IL1RAP: variants seen among roughly 807,000 people sequenced by gnomAD.
The protein encoded by IL1RAP is interleukin-1 receptor accessory protein.
IL1RAP carries 35 observed loss-of-function variants against 60.7 expected under a neutral mutation model. That is an observed-to-expected ratio of 0.58 (90% CI 0.44 to 0.76). The LOEUF is 0.76. Among genes scored for constraint, IL1RAP ranks in the 30% least tolerant of loss-of-function variants. The probability of loss-of-function intolerance (pLI) is 0.00; values close to 1 mark genes in which losing one functional copy is unlikely to be tolerated. For missense variants in IL1RAP, 572 were observed against 693.9 expected, an observed-to-expected ratio of 0.82 and a Z score of 1.97; for synonymous variants, 268 against 250.9, an observed-to-expected ratio of 1.07 and a Z score of -0.64.
At chr3:190,592,758 T>C (rs556565597) in intron 3 of IL1RAP, among the ~76,000 whole-genome samples, 1 of 152,364 alleles carries the variant, frequency 6.6e-6, no homozygotes, top group East Asian at 1.9e-4. Flanking sequence ...ACTCTAAGTA[T>C]TGCCTATTAT....
At chr3:190,560,865 T>A (rs1009175862) in intron 2 of IL1RAP, among the ~76,000 whole-genome samples, 1 of 152,158 alleles carries the variant, frequency 6.6e-6, no homozygotes, top group Non-Finnish European at 1.5e-5. Flanking sequence ...TACAGAGAAC[T>A]AAGTACATTT....
At chr3:190,606,423 T>G (rs951560645) in intron 4 of IL1RAP, among the ~76,000 whole-genome samples, 4 of 152,258 alleles carry the variant, frequency 2.6e-5, no homozygotes, top group African/African-American at 7.2e-5. Flanking sequence ...GCTCCTTTTT[T>G]TCTTTGATAA....
chr3:190,594,171 G>A (rs1221256992), intron 3 of IL1RAP, among the ~76,000 whole-genome samples: 1 of 152,190 alleles, frequency 6.6e-6, no homozygotes, highest in Non-Finnish European at 1.5e-5. Context: ...AATGCAGATC[G>A]TGATTCAATA....
intron 5 of IL1RAP, among the ~76,000 whole-genome samples, chr3:190,618,662 A>C (rs555396563): frequency 2.6e-5 from 4 of 152,348 alleles, no homozygotes; most frequent in African/African-American, 9.6e-5. Flanking sequence ...TTGATACTGT[A>C]AACTCAATTC....
intron 2 of IL1RAP, among the ~76,000 whole-genome samples, chr3:190,559,704 T>G (rs552659116): frequency 1.3e-5 from 2 of 152,360 alleles, no homozygotes; most frequent in East Asian, 3.9e-4. Context: ...ATCTTTCTGT[T>G]ATTGATTTCT....
At chr3:190,590,889 T>G (rs1476416450) in intron 3 of IL1RAP, among the ~76,000 whole-genome samples, 1 of 152,220 alleles carries the variant, frequency 6.6e-6, no homozygotes, top group Non-Finnish European at 1.5e-5. Context: ...ACTGGGACAA[T>G]GTAGTAGAAC....
At chr3:190,580,528 G>GGC (rs1326048409) in intron 3 of IL1RAP, among the ~76,000 whole-genome samples, 1 of 152,182 alleles carries the variant, frequency 6.6e-6, no homozygotes, top group African/African-American at 2.4e-5. Context: ...ATTATGCTAA[G>GGC]TTAAATAAGC....
chr3:190,570,524 A>AT (rs971149098), intron 3 of IL1RAP, among the ~76,000 whole-genome samples: 13 of 150,394 alleles, frequency 8.6e-5, no homozygotes, highest in Admixed American at 2.7e-4. Flanking sequence ...CCATCAGCCC[A>AT]TTTTTTTTTA....
chr3:190,649,966 T>TAAG lies in IL1RAP; in HGVS notation c.*1262_*1263insAGA. Reference sequence around the variant, plus strand: ...TATATACACACGTGTATATGAGATATATATCTTATATCTCCACAAACACAA... The same window carrying TAAG: ...TATATACACACGTGTATATGAGATATAAGATATCTTATATCTCCACAAACACAA... On this transcript the variant is annotated 3_prime_UTR_variant, in exon 12 of 12. Transcript: ENST00000447382. 1 of 708,832 alleles carries TAAG rather than the reference T, an allele frequency of 1.4e-6. No individual in the cohort carries two copies. The highest frequency in any genetic ancestry group is 1.7e-6 in the Non-Finnish European group (1 of 577,976). 43.9% of individuals were successfully genotyped at this position (708,832 alleles called of 1,614,324 possible).
intron 5 of IL1RAP, among the ~76,000 whole-genome samples, chr3:190,616,889 T>G (rs1282940288): frequency 6.6e-6 from 1 of 152,170 alleles, no homozygotes; most frequent in African/African-American, 2.4e-5. Context: ...ATATGGAACT[T>G]AAAAACCCCA....
chr3:190,586,469 T>C (rs935827130), intron 3 of IL1RAP, among the ~76,000 whole-genome samples: 27 of 152,206 alleles, frequency 1.8e-4, no homozygotes, highest in African/African-American at 6.3e-4. Context: ...GGGGCTCTGA[T>C]GTGTTCTAAG....
At chr3:190,526,139 T>C (rs760848478) in intron 1 of IL1RAP, among the ~76,000 whole-genome samples, 6 of 152,232 alleles carry the variant, frequency 3.9e-5, no homozygotes, top group Non-Finnish European at 8.8e-5. Flanking sequence ...CTCTTCATAA[T>C]ATGAGTTTAA....
downstream of IL1RAP, among the ~76,000 whole-genome samples, chr3:190,652,980 G>A (rs1734470724): frequency 6.6e-6 from 1 of 152,110 alleles, no homozygotes; most frequent in Non-Finnish European, 1.5e-5. Flanking sequence ...TAAATACACA[G>A]TATGGTATGA....
chr3:190,534,324 A>G (rs928025613), intron 1 of IL1RAP, among the ~76,000 whole-genome samples: 2 of 151,330 alleles, frequency 1.3e-5, no homozygotes, highest in African/African-American at 4.9e-5. Context: ...GCTCAAATCT[A>G]TCATGTTTGG....
rs1300143117 is a variant in IL1RAP, at chr3:190,650,865, C to T, written c.*2160C>T. The T allele has an allele frequency of 1.0e-6, 1 of 985,214 alleles. No homozygotes were observed. Among genetic ancestry groups the T allele is most frequent in the Non-Finnish European group, 1.2e-6 (1 of 829,904 alleles). The allele number at this position is 985,214 out of a possible 1,614,324, so 61.0% of individuals were successfully genotyped here. ...GGCAAACAGGGAATAGTCTAGTCAC[C>T]AAAGGACCATTCTCTTGCCAATGCT... On this transcript the variant is annotated 3_prime_UTR_variant, in exon 12 of 12. Coordinates refer to ENST00000447382, the MANE Select transcript of IL1RAP (RefSeq NM_002182.4).
intron 3 of IL1RAP, among the ~76,000 whole-genome samples, chr3:190,576,452 A>G (rs1024274522): frequency 6.6e-6 from 1 of 152,192 alleles, no homozygotes; most frequent in Non-Finnish European, 1.5e-5. Context: ...TCAGGCAGTC[A>G]AAAACAGATC....
chr3:190,628,212 G>A (rs1732481203), intron 8 of IL1RAP, among the ~76,000 whole-genome samples: 1 of 152,172 alleles, frequency 6.6e-6, no homozygotes, highest in Non-Finnish European at 1.5e-5. Context: ...CCGAACAGCA[G>A]TTGGCTCACT....
At chr3:190,566,810 A>G (rs1430124890) in intron 3 of IL1RAP, among the ~76,000 whole-genome samples, 1 of 152,160 alleles carries the variant, frequency 6.6e-6, no homozygotes, top group Non-Finnish European at 1.5e-5. Context: ...GAAAGAAATC[A>G]TTGCGCATCT....
At position 190,587,645 on chromosome 3, in the gene IL1RAP, G is replaced by A. The variant is rs148955638; in HGVS notation, c.65-16483G>A. 4.3e-4 allele frequency among the ~76,000 whole-genome samples: 66 copies of A among 152,372 alleles called. No homozygotes were observed. In the East Asian group the frequency reaches 6.9e-3, roughly 16 times the overall value. On this transcript the variant is annotated intron_variant, in intron 3 of 11. Coordinates refer to ENST00000447382, the MANE Select transcript of IL1RAP (RefSeq NM_002182.4). ...TATATTCAAAGAAAGGATCAGTAGC[G>A]AGTTTGCTGTAGCACAGAAGGAAAA...
Sources: gnomAD v4.1 joint callset for allele counts (sites outside exome capture counted in the v4.1 genomes callset) on GRCh38, gnomAD v4.1.1 for gene constraint, MANE v1.5 for transcripts, NCBI Gene and HGNC (gene_info 2026-07-23, HGNC 2026-07-21) for gene names.